Variants in BTAF1 observed in about 807,000 individuals in gnomAD.
The protein encoded by BTAF1 is B-TFIID TATA-box binding protein associated factor 1, also known as TATA-binding protein-associated factor 172.
BTAF1 carries 38 observed loss-of-function variants against 227.1 expected under a neutral mutation model. The observed-to-expected ratio is 0.17, with a 90% CI of 0.13 to 0.22. BTAF1 has a LOEUF of 0.22. BTAF1 is among the 10% of genes least tolerant of loss of function. The pLI, the probability that BTAF1 is intolerant of heterozygous loss-of-function variation, is 1.00. For synonymous variants in BTAF1, 742 were observed against 751.9 expected (o/e 0.99, Z 0.21); for missense variants, 1,598 against 2,204.0 (o/e 0.73, Z 5.51).
At chr10:91,924,423 T>G (rs536546792) in intron 1 of BTAF1, among the ~76,000 whole-genome samples, 2 of 152,330 alleles carry the variant, frequency 1.3e-5, no homozygotes, top group Admixed American at 1.3e-4. Context: ...ATTCTAAGGC[T>G]GGTCCCTAAC....
chr10:91,947,206 A>G (rs185900893), intron 4 of BTAF1, among the ~76,000 whole-genome samples: 19 of 152,336 alleles, frequency 1.2e-4, no homozygotes, highest in African/African-American at 4.6e-4. Context: ...GGTAAGAAGC[A>G]TAAAAGTTTT....
intron 20 of BTAF1, among the ~76,000 whole-genome samples, chr10:91,991,832 T>TATATATATATATATATATACAC (rs1466556430): frequency 1.8e-4 from 2 of 11,296 alleles, no homozygotes; most frequent in African/African-American, 2.6e-4. Context: ...TATATATATA[T>TATATATATATATATATATACAC]ACACACATAT....
intron 18 of BTAF1, among the ~76,000 whole-genome samples, chr10:91,983,862 T>A (rs2133990691): frequency 6.6e-6 from 1 of 151,972 alleles, no homozygotes; most frequent in South Asian, 2.1e-4. Context: ...ATAACATTTT[T>A]AATTAGTGCT....
intron 1 of BTAF1, among the ~76,000 whole-genome samples, chr10:91,926,784 G>A (rs554228348): frequency 1.2e-4 from 18 of 152,286 alleles, no homozygotes; most frequent in African/African-American, 4.3e-4. Context: ...GCCTTCCATG[G>A]CATCTCATTT....
intron 19 of BTAF1, among the ~76,000 whole-genome samples, chr10:91,988,506 A>G (rs72825306): frequency 0.12 from 18,224 of 152,268 alleles, 1,397 homozygotes; most frequent in Middle Eastern, 0.19. Flanking sequence ...CAGTCTTTCA[A>G]TGGGGCTTGC....
In BTAF1 at chr10:91,935,652, T is replaced by C. The variant is rs370535398; in HGVS notation, c.15-5T>C. ...AGAATAACCATTGTATTTTTGTTAT[T>C]TCAGGCTAGATCGCCTTTTTATTTT... On this transcript the variant is annotated splice_polypyrimidine_tract_variant and splice_region_variant and intron_variant, in intron 1 of 37. Coordinates refer to ENST00000265990, the MANE Select transcript of BTAF1 (RefSeq NM_003972.3). 436 of 1,611,598 alleles carry C rather than the reference T, an allele frequency of 2.7e-4. No individual in the cohort carries two copies. The highest frequency in any genetic ancestry group is 6.4e-4 in the Admixed American group (38 of 59,522).
At chr10:92,011,808 G>A (rs1335368703) in intron 30 of BTAF1, among the ~76,000 whole-genome samples, 1 of 152,114 alleles carries the variant, frequency 6.6e-6, no homozygotes, top group Non-Finnish European at 1.5e-5. Flanking sequence ...GATGTCAGGA[G>A]GAAATTGAAG....
intron 20 of BTAF1, among the ~76,000 whole-genome samples, chr10:91,991,279 T>TATATAA (rs1554860280): frequency 0.021 from 2,043 of 98,428 alleles, 167 homozygotes; most frequent in Middle Eastern, 0.1. Context: ...TAAATATATA[T>TATATAA]ATATATATAT....
chr10:92,020,633 G>GTTTC (rs1250448766), intron 34 of BTAF1, among the ~76,000 whole-genome samples: 1 of 152,112 alleles, frequency 6.6e-6, no homozygotes, highest in Non-Finnish European at 1.5e-5. Context: ...AATGGACTAT[G>GTTTC]AACTTTCACA....
At chr10:91,971,420 T>G (rs1847294212) in intron 14 of BTAF1, among the ~76,000 whole-genome samples, 1 of 152,148 alleles carries the variant, frequency 6.6e-6, no homozygotes, top group African/African-American at 2.4e-5. Flanking sequence ...CTTTACTATT[T>G]TTATTGGCTA....
At chr10:91,962,996 T>C (rs936113299) in intron 12 of BTAF1, among the ~76,000 whole-genome samples, 11 of 152,180 alleles carry the variant, frequency 7.2e-5, no homozygotes, top group Admixed American at 2.0e-4. Flanking sequence ...TTTGGATTGT[T>C]TTTTTAAATC....
rs564848533 is a variant in BTAF1 at position 91,948,415 on chromosome 10, G to A, written c.401-2988G>A. 2.7e-4 allele frequency among the ~76,000 whole-genome samples: 41 copies of A among 149,874 alleles called. No individual in the cohort carries two copies. The East Asian group carries it at 5.3e-3, about 19-fold the overall frequency. On this transcript the variant is annotated intron_variant, in intron 4 of 37. Transcript: ENST00000265990. ...TATTTATTTATTTATTTAGAGACAG[G>A]ATCTCACTCTGTTGCCCAGGCTGGA...
At chr10:91,938,373 C>T (rs986851107) in intron 2 of BTAF1, among the ~76,000 whole-genome samples, 31 of 152,118 alleles carry the variant, frequency 2.0e-4, no homozygotes, top group African/African-American at 7.0e-4. Context: ...CTAAGTTCTC[C>T]TCTAAGAGTT....
intron 25 of BTAF1, 53 bp downstream of exon 25, chr10:91,997,804 A>G: frequency 2.5e-6 from 4 of 1,580,186 alleles, no homozygotes; most frequent in Non-Finnish European, 2.6e-6. Flanking sequence ...AACTTGATCC[A>G]TAATAATTGT....
intron 33 of BTAF1, 111 bp from the exon 34 acceptor site, chr10:92,018,672 G>T: frequency 2.1e-6 from 2 of 974,702 alleles, no homozygotes; most frequent in Non-Finnish European, 2.9e-6. Context: ...GCAAGAAGAG[G>T]GAGAAAGGCA....
chr10:92,010,951 G>C (rs1850249636), intron 28 of BTAF1, 122 bp from the exon 29 acceptor site: 6 of 742,050 alleles, frequency 8.1e-6, no homozygotes, highest in Middle Eastern at 3.7e-4. Context: ...GGTCATGTAT[G>C]TAGAGTAAGC....
chr10:91,980,882 C>T (rs936510851), intron 15 of BTAF1, among the ~76,000 whole-genome samples: 1 of 152,090 alleles, frequency 6.6e-6, no homozygotes, highest in Non-Finnish European at 1.5e-5. Context: ...CTTATAGATC[C>T]TGCAAAGTAT....
At chr10:91,977,724 TTTG>T (rs1364775131) in intron 14 of BTAF1, among the ~76,000 whole-genome samples, 2 of 152,166 alleles carry the variant, frequency 1.3e-5, no homozygotes, top group Middle Eastern at 3.2e-3. Flanking sequence ...CTGGCCAGCA[TTTG>T]TTGTTGTCAG....
At chr10:92,026,117 T>C (rs983406888) in intron 35 of BTAF1, among the ~76,000 whole-genome samples, 7 of 152,220 alleles carry the variant, frequency 4.6e-5, no homozygotes, top group Admixed American at 1.3e-4. Flanking sequence ...GCTGCTATTT[T>C]TAATGTTAGT....
Sources: gnomAD v4.1 joint callset for allele counts (sites outside exome capture counted in the v4.1 genomes callset) on GRCh38, gnomAD v4.1.1 for gene constraint, MANE v1.5 for transcripts, NCBI Gene and HGNC (gene_info 2026-07-23, HGNC 2026-07-21) for gene names.